The following ARHGAP10 variants were observed in gnomAD, a reference collection of about 807,000 sequenced individuals.
ARHGAP10 encodes rho GTPase-activating protein 10.
ARHGAP10 carries 87 observed loss-of-function variants against 108.6 expected under a neutral mutation model. The observed-to-expected ratio is 0.80, with a 90% confidence interval of 0.67 to 0.96. ARHGAP10 has a LOEUF of 0.96. Ranked by LOEUF, ARHGAP10 falls within the 40% of genes least tolerant of loss-of-function variation. The pLI, the probability that ARHGAP10 is intolerant of heterozygous loss-of-function variation, is 0.00. For synonymous variants in ARHGAP10, 347 were observed against 341.1 expected, an observed-to-expected ratio of 1.02 and a Z score of -0.19; for missense variants, 939 against 954.5, an observed-to-expected ratio of 0.98 and a Z score of 0.21.
intron 1 of ARHGAP10, among the ~76,000 whole-genome samples, chr4:147,758,840 G>T (rs956062240): frequency 2.6e-5 from 4 of 151,798 alleles, no homozygotes; most frequent in Non-Finnish European, 2.9e-5. Context: ...TTAGTTGGGG[G>T]TGGTGGTGCG....
In ARHGAP10 at chr4:147,732,394, G is replaced by A; in HGVS notation, c.93G>A (p.Arg31=). 1.2e-5 allele frequency: 20 copies of A among 1,613,596 alleles called. No homozygotes were observed. The highest frequency in any genetic ancestry group is 1.7e-5 in the Non-Finnish European group (20 of 1,179,700). Residue 31 remains arginine, a synonymous_variant, in exon 1 of 23, where the codon AGG becomes AGA. Coordinates refer to ENST00000336498, the MANE Select transcript of ARHGAP10 (RefSeq NM_024605.4). The stretch of plus-strand genomic sequence containing the variant: ...GCGCTCACGAAGCGGAACTCGAGAG[G>A]ACCAACAAGTTCATCAAAGAGCTCA... ...RIRAHEAELE[R]TNKFIKELIK...
At chr4:147,841,705 T>C (rs1206431358) in intron 3 of ARHGAP10, among the ~76,000 whole-genome samples, 2 of 152,234 alleles carry the variant, frequency 1.3e-5, no homozygotes, top group Non-Finnish European at 2.9e-5. Flanking sequence ...TATTGGCTTC[T>C]TTATTATTTT....
chr4:147,827,278 G>A (rs1260399515), intron 3 of ARHGAP10, among the ~76,000 whole-genome samples: 1 of 151,602 alleles, frequency 6.6e-6, no homozygotes, highest in Non-Finnish European at 1.5e-5. Flanking sequence ...CAGAACACTC[G>A]CCTGAAACTT....
chr4:147,821,452 T>A (rs1732495522), intron 1 of ARHGAP10, among the ~76,000 whole-genome samples: 1 of 152,202 alleles, frequency 6.6e-6, no homozygotes, highest in Non-Finnish European at 1.5e-5. Context: ...AAATCCTGTA[T>A]GATCCAAAAG....
At chr4:147,733,965 C>T (rs1379386175) in intron 1 of ARHGAP10, among the ~76,000 whole-genome samples, 1 of 150,764 alleles carries the variant, frequency 6.6e-6, no homozygotes, top group Non-Finnish European at 1.5e-5. Context: ...TGAGGGCTCT[C>T]CAGGCCCTTG....
In ARHGAP10 at chr4:147,825,357, G is replaced by T. The variant is rs1012081295; in HGVS notation, c.312+2400G>T. On this transcript the variant is annotated intron_variant, in intron 3 of 22. Coordinates refer to ENST00000336498, the MANE Select transcript of ARHGAP10 (RefSeq NM_024605.4). ...AGCTACTTGGGAGGCTGAGGCAGGA[G>T]AATCAGTTGAGCCCGGGAGGCGGAG... 3.3e-4 allele frequency among the ~76,000 whole-genome samples: 50 copies of T among 152,110 alleles called. 1 individual carries two copies. Among genetic ancestry groups the T allele is most frequent in the African/African-American group, 1.0e-3 (43 of 41,468 alleles).
chr4:147,788,967 TA>T (rs1275526736), intron 1 of ARHGAP10, among the ~76,000 whole-genome samples: 3 of 152,222 alleles, frequency 2.0e-5, no homozygotes, highest in Non-Finnish European at 2.9e-5. Flanking sequence ...GTTCATGCCA[TA>T]AACTTATCCG....
intron 13 of ARHGAP10, among the ~76,000 whole-genome samples, chr4:147,929,851 A>G (rs1463153406): frequency 6.6e-6 from 1 of 152,220 alleles, no homozygotes. Context: ...TTTTATGTGC[A>G]TAAAAGCATG....
chr4:147,883,847 A>G (rs1256683003), intron 10 of ARHGAP10, among the ~76,000 whole-genome samples: 1 of 151,964 alleles, frequency 6.6e-6, no homozygotes, highest in Non-Finnish European at 1.5e-5. Context: ...GGGGCACACT[A>G]CCAGACCCGG....
rs1004461770 is a variant in ARHGAP10 at position 147,732,243 on chromosome 4, G to C, written c.-59G>C. ...CGGCGCCGCACCTGGCAGCGGCCTC[G>C]GAGCTCGGCTCGGGCAGGAGCGCGC... On this transcript the variant is annotated 5_prime_UTR_variant, in exon 1 of 23. Coordinates refer to ENST00000336498, the MANE Select transcript of ARHGAP10 (RefSeq NM_024605.4). 5.5e-6 allele frequency: 8 copies of C among 1,466,388 alleles called. No homozygotes were observed. Among genetic ancestry groups the C allele is most frequent in the Non-Finnish European group, 7.2e-6 (8 of 1,117,190 alleles). The allele number at this position is 1,466,388 out of a possible 1,614,324, so 90.8% of individuals were successfully genotyped here.
intron 10 of ARHGAP10, among the ~76,000 whole-genome samples, chr4:147,899,510 A>G (rs1736142998): frequency 6.6e-6 from 1 of 152,180 alleles, no homozygotes; most frequent in Non-Finnish European, 1.5e-5. Context: ...AGTGGGAATG[A>G]TGTTCTCTGA....
intron 19 of ARHGAP10, among the ~76,000 whole-genome samples, chr4:148,038,539 C>A (rs1160916201): frequency 6.6e-6 from 1 of 152,184 alleles, no homozygotes; most frequent in Non-Finnish European, 1.5e-5. Flanking sequence ...ACCTCCTGAA[C>A]CCTCGTCTTC....
At chr4:147,893,085 G>A (rs1735850407) in intron 10 of ARHGAP10, among the ~76,000 whole-genome samples, 1 of 151,866 alleles carries the variant, frequency 6.6e-6, no homozygotes, top group African/African-American at 2.4e-5. Flanking sequence ...TTGAGACGGA[G>A]TCTTGCCCTG....
At chr4:147,895,392 C>T (rs1289304191) in intron 10 of ARHGAP10, among the ~76,000 whole-genome samples, 1 of 151,468 alleles carries the variant, frequency 6.6e-6, no homozygotes, top group Non-Finnish European at 1.5e-5. Context: ...AGCCTTAGGG[C>T]CAGGCATGGT....
chr4:147,917,907 C>T (rs1412955911), intron 13 of ARHGAP10, among the ~76,000 whole-genome samples: 1 of 152,116 alleles, frequency 6.6e-6, no homozygotes, highest in African/African-American at 2.4e-5. Flanking sequence ...AAGATACCCA[C>T]TTAGAAGTTT....
intron 3 of ARHGAP10, among the ~76,000 whole-genome samples, chr4:147,833,149 G>GA (rs1298834276): frequency 1.3e-5 from 2 of 152,190 alleles, no homozygotes; most frequent in Admixed American, 1.3e-4. Flanking sequence ...CAGTGGCACA[G>GA]AGGAAAAATA....
At chr4:147,868,194 G>T (rs1734645100) in intron 7 of ARHGAP10, among the ~76,000 whole-genome samples, 1 of 151,532 alleles carries the variant, frequency 6.6e-6, no homozygotes, top group Non-Finnish European at 1.5e-5. Flanking sequence ...CCCCAAAATT[G>T]TCCCTGCAGG....
intron 18 of ARHGAP10, among the ~76,000 whole-genome samples, chr4:147,985,419 T>C (rs1740001167): frequency 6.6e-6 from 1 of 152,140 alleles, no homozygotes; most frequent in African/African-American, 2.4e-5. Context: ...CAGGGACACA[T>C]GCAAACCAGT....
intron 13 of ARHGAP10, among the ~76,000 whole-genome samples, chr4:147,939,599 T>A (rs1185856235): frequency 6.6e-6 from 1 of 152,242 alleles, no homozygotes; most frequent in African/African-American, 2.4e-5. Flanking sequence ...GCATTTCATT[T>A]TTGTCCACAT....
Sources: allele counts gnomAD v4.1 joint callset (sites outside exome capture counted in the v4.1 genomes callset), GRCh38; gene constraint gnomAD v4.1.1; transcripts MANE v1.5; gene names NCBI Gene and HGNC (gene_info 2026-07-23, HGNC 2026-07-21).